The following BRINP1 variants were observed in gnomAD, a reference collection of about 807,000 sequenced individuals.
The protein encoded by BRINP1 is BMP/retinoic acid inducible neural specific 1, also known as BMP/retinoic acid-inducible neural-specific protein 1.
A neutral mutation model predicts 72.9 loss-of-function variants in BRINP1; 17 were observed. That is an observed-to-expected ratio of 0.23 (90% CI 0.16 to 0.35). The LOEUF (loss-of-function observed/expected upper bound fraction) is 0.35. BRINP1 is among the 10% of genes least tolerant of loss of function. The pLI is 1.00. For missense variants in BRINP1, 850 were observed against 1,001.6 expected (o/e 0.85, Z 2.04); for synonymous variants, 418 against 378.5 (o/e 1.10, Z -1.21).
intron 2 of BRINP1, among the ~76,000 whole-genome samples, chr9:119,288,408 G>C (rs1043393734): frequency 1.3e-5 from 2 of 152,074 alleles, no homozygotes; most frequent in Non-Finnish European, 2.9e-5. Context: ...AAAATACAAT[G>C]CTGGGTGATT....
intron 5 of BRINP1, among the ~76,000 whole-genome samples, chr9:119,237,652 G>A (rs1444505278): frequency 2.0e-5 from 3 of 151,046 alleles, no homozygotes; most frequent in Admixed American, 2.0e-4. Context: ...ATGAGCCACC[G>A]CGCCTGGCCA....
intron 7 of BRINP1, among the ~76,000 whole-genome samples, chr9:119,176,952 G>C (rs1259883653): frequency 6.6e-6 from 1 of 151,986 alleles, no homozygotes; most frequent in Non-Finnish European, 1.5e-5. Flanking sequence ...ACCCGGACCT[G>C]GCGATAAAAC....
chr9:119,358,750 T>C (rs939923716), intron 1 of BRINP1, among the ~76,000 whole-genome samples: 5 of 152,228 alleles, frequency 3.3e-5, no homozygotes, highest in African/African-American at 4.8e-5. Context: ...GTGTTGAAGA[T>C]AACTTTCTGC....
At chr9:119,176,009 C>T (rs1210732707) in intron 7 of BRINP1, among the ~76,000 whole-genome samples, 2 of 152,180 alleles carry the variant, frequency 1.3e-5, no homozygotes, top group East Asian at 3.9e-4. Context: ...ATCATTCCCA[C>T]CACACAGAGC....
chr9:119,187,168 C>T (rs1829631892), intron 7 of BRINP1, among the ~76,000 whole-genome samples: 1 of 151,856 alleles, frequency 6.6e-6, no homozygotes. Flanking sequence ...ACCCATGTCA[C>T]ATGGGCCACA....
intron 1 of BRINP1, among the ~76,000 whole-genome samples, chr9:119,351,256 GCA>G (rs1339995534): frequency 6.6e-6 from 1 of 152,138 alleles, no homozygotes; most frequent in African/African-American, 2.4e-5. Context: ...TATGTGAGCA[GCA>G]CACACACTTG....
chr9:119,366,503 CGTGTGTGT>C (rs3983901), intron 1 of BRINP1, among the ~76,000 whole-genome samples: 30,647 of 136,062 alleles, frequency 0.23, 5,192 homozygotes, highest in African/African-American at 0.26. Flanking sequence ...CCCCCACCAC[CGTGTGTGT>C]GTGTGTGTGT....
chr9:119,259,225 T>C (rs1043453513), intron 2 of BRINP1, among the ~76,000 whole-genome samples: 1 of 152,182 alleles, frequency 6.6e-6, no homozygotes, highest in Non-Finnish European at 1.5e-5. Flanking sequence ...ATAAAGCCAC[T>C]CATTAGCCGA....
chr9:119,192,766 A>G (rs1829695266), intron 7 of BRINP1, among the ~76,000 whole-genome samples: 1 of 152,188 alleles, frequency 6.6e-6, no homozygotes, highest in Admixed American at 6.5e-5. Flanking sequence ...AAAGGAGATG[A>G]AATCAGCACA....
chr9:119,341,762 G>GTATTAT (rs144816875), intron 1 of BRINP1, among the ~76,000 whole-genome samples: 153 of 151,840 alleles, frequency 1.0e-3, no homozygotes, highest in African/African-American at 3.6e-3. Context: ...AAGAGCATCT[G>GTATTAT]TATTATTATT....
At chr9:119,306,200 CAGTA>C (rs1473735761) in intron 2 of BRINP1, among the ~76,000 whole-genome samples, 1 of 152,104 alleles carries the variant, frequency 6.6e-6, no homozygotes, top group African/African-American at 2.4e-5. Flanking sequence ...GAAGTCAGTT[CAGTA>C]ATGGCATGGG....
chr9:119,314,606 C>T (rs1012908738), intron 1 of BRINP1, among the ~76,000 whole-genome samples: 10 of 152,076 alleles, frequency 6.6e-5, no homozygotes, highest in African/African-American at 2.4e-4. Flanking sequence ...CCTCATGATC[C>T]GCCCTCCTTG....
chr9:119,283,012 C>A (rs1830728538), intron 2 of BRINP1: 2 of 985,210 alleles, frequency 2.0e-6, no homozygotes, highest in South Asian at 4.7e-5. Context: ...TCCTTTTAAG[C>A]CTTTTCAAAG....
At chr9:119,205,400 G>C (rs547065643) in intron 7 of BRINP1, among the ~76,000 whole-genome samples, 2 of 152,106 alleles carry the variant, frequency 1.3e-5, no homozygotes, top group Non-Finnish European at 2.9e-5. Context: ...TAGGAGAGAC[G>C]GCAACACTGT....
intron 7 of BRINP1, among the ~76,000 whole-genome samples, chr9:119,176,074 T>G (rs1210545926): frequency 2.0e-5 from 3 of 152,188 alleles, no homozygotes; most frequent in Non-Finnish European, 4.4e-5. Flanking sequence ...ACTTGGTACT[T>G]ATTAAGAGCT....
At chr9:119,281,352 C>A (rs1351001116) in intron 2 of BRINP1, among the ~76,000 whole-genome samples, 2 of 146,004 alleles carry the variant, frequency 1.4e-5, no homozygotes, top group Non-Finnish European at 3.0e-5. Flanking sequence ...ACCAGGAAAC[C>A]AGTTCTCTTC....
intron 5 of BRINP1, among the ~76,000 whole-genome samples, chr9:119,236,544 T>C (rs1301034853): frequency 6.6e-6 from 1 of 152,174 alleles, no homozygotes; most frequent in East Asian, 1.9e-4. Flanking sequence ...TAGGAATATG[T>C]CATTAATTCC....
chr9:119,318,632 G>A (rs1341051315), intron 1 of BRINP1, among the ~76,000 whole-genome samples: 6 of 152,112 alleles, frequency 3.9e-5, no homozygotes, highest in South Asian at 4.2e-4. Flanking sequence ...GGATGAAGGC[G>A]ATTGTTGGGA....
intron 4 of BRINP1, among the ~76,000 whole-genome samples, chr9:119,241,647 T>A (rs537966582): frequency 6.6e-6 from 1 of 152,140 alleles, no homozygotes; most frequent in African/African-American, 2.4e-5. Context: ...AAAACATAGA[T>A]GTTTAAAATA....
Sources: allele counts gnomAD v4.1 joint callset (sites outside exome capture counted in the v4.1 genomes callset), GRCh38; gene constraint gnomAD v4.1.1; transcripts MANE v1.5; gene names NCBI Gene and HGNC (gene_info 2026-07-23, HGNC 2026-07-21).